Variants in KCNIP4 observed in about 807,000 individuals in gnomAD.
KCNIP4 encodes potassium voltage-gated channel interacting protein 4.
A neutral mutation model predicts 34.0 loss-of-function variants in KCNIP4; 12 were observed. That is an observed-to-expected ratio of 0.35 (90% CI 0.23 to 0.57). KCNIP4 has a LOEUF of 0.57. Among genes scored for constraint, KCNIP4 ranks in the 20% least tolerant of loss-of-function variants. The pLI, the probability that KCNIP4 is intolerant of heterozygous loss-of-function variation, is 0.83. For missense variants in KCNIP4, 238 were observed against 311.7 expected (o/e 0.76, Z 1.78); for synonymous variants, 124 against 102.2 (o/e 1.21, Z -1.29).
intron 1 of KCNIP4, among the ~76,000 whole-genome samples, chr4:21,429,397 C>T (rs559258921): frequency 6.6e-6 from 1 of 152,236 alleles, no homozygotes; most frequent in South Asian, 2.1e-4. Context: ...TGAAAAATAT[C>T]CTGTTTCTTC....
At chr4:20,757,566 G>C (rs1420124679) in intron 4 of KCNIP4, among the ~76,000 whole-genome samples, 1 of 152,062 alleles carries the variant, frequency 6.6e-6, no homozygotes, top group Admixed American at 6.6e-5. Context: ...GCAATTTCCT[G>C]CAAATGCCCA....
chr4:21,036,526 G>A (rs562121755), intron 1 of KCNIP4, among the ~76,000 whole-genome samples: 60 of 152,300 alleles, frequency 3.9e-4, no homozygotes, highest in African/African-American at 1.4e-3. Context: ...AGCATAAAGA[G>A]TACTCTATTT....
chr4:21,425,062 T>G (rs1251913595), intron 1 of KCNIP4, among the ~76,000 whole-genome samples: 1 of 152,032 alleles, frequency 6.6e-6, no homozygotes, highest in Non-Finnish European at 1.5e-5. Flanking sequence ...GAAGGGACAT[T>G]GGAGAGGAGA....
intron 1 of KCNIP4, among the ~76,000 whole-genome samples, chr4:21,912,796 T>C (rs576717145): frequency 1.1e-4 from 17 of 149,992 alleles, no homozygotes; most frequent in Admixed American, 8.7e-4. Context: ...ATATATTACA[T>C]TATATGTTTT....
chr4:21,931,870 G>T (rs1560188364), intron 1 of KCNIP4, among the ~76,000 whole-genome samples: 1 of 152,052 alleles, frequency 6.6e-6, no homozygotes, highest in Admixed American at 6.5e-5. Context: ...TTCCTTAATG[G>T]TTGAACTAGT....
intron 1 of KCNIP4, among the ~76,000 whole-genome samples, chr4:21,939,916 A>G (rs1730105834): frequency 6.6e-6 from 1 of 152,194 alleles, no homozygotes; most frequent in Admixed American, 6.5e-5. Flanking sequence ...TTTAAAAATT[A>G]GAGAAACATC....
intron 1 of KCNIP4, among the ~76,000 whole-genome samples, chr4:21,648,823 G>A (rs1304158710): frequency 6.6e-6 from 1 of 152,096 alleles, no homozygotes; most frequent in Non-Finnish European, 1.5e-5. Flanking sequence ...TAATCTAGTA[G>A]AGGCCCCGCA....
At chr4:20,746,080 A>G (rs1166209073) in intron 5 of KCNIP4, among the ~76,000 whole-genome samples, 1 of 152,218 alleles carries the variant, frequency 6.6e-6, no homozygotes, top group Non-Finnish European at 1.5e-5. Flanking sequence ...ATACACATGT[A>G]TATGTATTGC....
intron 1 of KCNIP4, among the ~76,000 whole-genome samples, chr4:21,682,197 C>T (rs1397543729): frequency 6.6e-6 from 1 of 152,048 alleles, no homozygotes; most frequent in African/African-American, 2.4e-5. Context: ...CCAGCCAATG[C>T]CATACACTTT....
At chr4:21,037,823 A>T (rs1301733179) in intron 1 of KCNIP4, among the ~76,000 whole-genome samples, 1 of 152,154 alleles carries the variant, frequency 6.6e-6, no homozygotes, top group Non-Finnish European at 1.5e-5. Context: ...TTTACAGCAA[A>T]TTAGTTTAAA....
At chr4:21,097,255 A>G (rs148062985) in intron 1 of KCNIP4, among the ~76,000 whole-genome samples, 73 of 152,284 alleles carry the variant, frequency 4.8e-4, no homozygotes, top group African/African-American at 1.7e-3. Context: ...ACAGAACATT[A>G]CTCGGCAGTT....
chr4:21,078,742 A>G (rs1745732692), intron 1 of KCNIP4, among the ~76,000 whole-genome samples: 1 of 152,118 alleles, frequency 6.6e-6, no homozygotes, highest in Non-Finnish European at 1.5e-5. Flanking sequence ...AGATGTTTTA[A>G]GAGGGAACTG....
intron 1 of KCNIP4, among the ~76,000 whole-genome samples, chr4:21,512,248 G>C (rs543884041): frequency 1.3e-5 from 2 of 152,238 alleles, no homozygotes; most frequent in Admixed American, 1.3e-4. Context: ...AGAATTGAAA[G>C]CTCATATTTA....
chr4:21,198,064 C>T (rs1430707914), intron 1 of KCNIP4, among the ~76,000 whole-genome samples: 3 of 152,164 alleles, frequency 2.0e-5, no homozygotes, highest in Non-Finnish European at 4.4e-5. Flanking sequence ...TAGCCAAATA[C>T]ACATACGCTA....
chr4:20,896,678 C>A (rs575883812), intron 1 of KCNIP4, among the ~76,000 whole-genome samples: 27 of 152,154 alleles, frequency 1.8e-4, no homozygotes, highest in Non-Finnish European at 3.2e-4. Flanking sequence ...TTAATGAAGA[C>A]TTCTGGCCTC....
At chr4:20,790,270 G>T (rs1712560002) in intron 3 of KCNIP4, among the ~76,000 whole-genome samples, 1 of 152,108 alleles carries the variant, frequency 6.6e-6, no homozygotes, top group Admixed American at 6.6e-5. Flanking sequence ...CCATGAATGG[G>T]AATTGCTCTG....
At chr4:21,904,990 T>C (rs1727912719) in intron 1 of KCNIP4, among the ~76,000 whole-genome samples, 1 of 152,190 alleles carries the variant, frequency 6.6e-6, no homozygotes, top group African/African-American at 2.4e-5. Flanking sequence ...GTGATTAATT[T>C]TTACCCAGGT....
At chr4:21,143,002 A>G (rs531988434) in intron 1 of KCNIP4, among the ~76,000 whole-genome samples, 89 of 152,278 alleles carry the variant, frequency 5.8e-4, no homozygotes, top group Middle Eastern at 6.8e-3. Context: ...TGCAAGAAAA[A>G]AAAATTATAA....
At chr4:21,610,838 C>CT (rs1277937543) in intron 1 of KCNIP4, among the ~76,000 whole-genome samples, 3 of 151,800 alleles carry the variant, frequency 2.0e-5, no homozygotes, top group Non-Finnish European at 4.4e-5. Flanking sequence ...TTTAATTATA[C>CT]TTTAAGCTCT....
Sources: gnomAD v4.1 joint callset for allele counts (sites outside exome capture counted in the v4.1 genomes callset) on GRCh38, gnomAD v4.1.1 for gene constraint, MANE v1.5 for transcripts, NCBI Gene and HGNC (gene_info 2026-07-23, HGNC 2026-07-21) for gene names.